The following PGM5 variants were observed in gnomAD, a reference collection of about 807,000 sequenced individuals.
The protein encoded by PGM5 is phosphoglucomutase 5, also known as phosphoglucomutase-like protein 5.
PGM5 carries 23 observed loss-of-function variants against 59.2 expected under a neutral mutation model. The ratio of observed to expected loss-of-function variants is 0.39; its 90% CI spans 0.28 to 0.55. The LOEUF (loss-of-function observed/expected upper bound fraction) is 0.55. PGM5 is among the 20% of genes least tolerant of loss of function. The pLI is 0.66. For missense variants in PGM5, 574 were observed against 748.3 expected, an observed-to-expected ratio of 0.77 and a Z score of 2.72; for synonymous variants, 214 against 286.0, an observed-to-expected ratio of 0.75 and a Z score of 2.54.
intron 6 of PGM5, among the ~76,000 whole-genome samples, chr9:68,439,226 A>G (rs1311587847): frequency 1.3e-5 from 2 of 151,848 alleles, no homozygotes; most frequent in Admixed American, 1.3e-4. Flanking sequence ...TTAGCCAGGC[A>G]TGGTGGCAAA....
chr9:68,487,497 CAA>C (rs1167774791), intron 9 of PGM5, among the ~76,000 whole-genome samples: 5 of 148,562 alleles, frequency 3.4e-5, no homozygotes, highest in Admixed American at 6.7e-5. Context: ...CACACACACA[CAA>C]ATCAGGTGTA....
chr9:68,526,776 T>G (rs1327011024), intron 10 of PGM5, among the ~76,000 whole-genome samples: 1 of 152,222 alleles, frequency 6.6e-6, no homozygotes, highest in African/African-American at 2.4e-5. Context: ...CCACATCTAA[T>G]TTGACAGGAT....
chr9:68,393,326 CATAAT>C (rs1408987020), intron 6 of PGM5, among the ~76,000 whole-genome samples: 29 of 150,178 alleles, frequency 1.9e-4, no homozygotes, highest in Middle Eastern at 3.5e-3. Flanking sequence ...AATTAAAATA[CATAAT>C]ATAATATACA....
intron 6 of PGM5, chr9:68,398,152 CA>C (rs1245994141): frequency 3.4e-5 from 5 of 148,962 alleles, no homozygotes; most frequent in Non-Finnish European, 7.5e-5. Context: ...CTCAGTCTCC[CA>C]TACATTGCTT....
chr9:68,387,920 TC>T (rs1822267274), intron 4 of PGM5, among the ~76,000 whole-genome samples: 1 of 152,156 alleles, frequency 6.6e-6, no homozygotes, highest in South Asian at 2.1e-4. Context: ...TGTACCCAAC[TC>T]CTATCTTCCC....
chr9:68,423,130 G>A (rs2132049360), intron 6 of PGM5, among the ~76,000 whole-genome samples: 1 of 152,202 alleles, frequency 6.6e-6, no homozygotes, highest in South Asian at 2.1e-4. Context: ...TTGATTGATG[G>A]GCATTTGGGT....
In PGM5 at chr9:68,479,543, T is replaced by C; in HGVS notation, c.1285T>C (p.Tyr429His). 1 of 1,613,990 alleles carries C rather than the reference T, an allele frequency of 6.2e-7. No homozygotes were observed. Among genetic ancestry groups the C allele is most frequent in the Non-Finnish European group, 8.5e-7 (1 of 1,179,934 alleles). Residue 429 changes from tyrosine (Y) to histidine (H), a missense_variant, in exon 8 of 11, where the codon TAC becomes CAC. Around this residue, in one of 7 missense-constraint regions of PGM5, gnomAD observed 300 missense variants for 280.0 expected, o/e 1.07. Coordinates refer to ENST00000396396, the MANE Select transcript of PGM5 (RefSeq NM_021965.4). ...RDHWAKFGRH[Y>H]YCRFDYEGLD... ...TCACTGGGCCAAATTTGGCCGCCAC[T>C]ACTATTGCAGGTGAGGAGAAGGGGA... is the stretch of plus-strand genomic sequence containing the variant.
intron 6 of PGM5, among the ~76,000 whole-genome samples, chr9:68,457,439 G>A (rs1823795680): frequency 6.6e-6 from 1 of 152,156 alleles, no homozygotes; most frequent in Admixed American, 6.5e-5. Flanking sequence ...GAATTACTCT[G>A]TTACTCATAG....
intron 9 of PGM5, chr9:68,498,836 A>G (rs1249854688): frequency 4.5e-6 from 1 of 223,888 alleles, no homozygotes. Flanking sequence ...TGTAATAGAC[A>G]AATTGCCTGC....
intron 1 of PGM5, among the ~76,000 whole-genome samples, chr9:68,359,330 C>A (rs535657412): frequency 6.6e-6 from 1 of 152,184 alleles, no homozygotes; most frequent in East Asian, 1.9e-4. Flanking sequence ...GGACAGATGA[C>A]AAATTAAAAT....
chr9:68,461,179 T>C lies in PGM5; in HGVS notation c.1044-3914T>C, dbSNP rs369270601. Among the ~76,000 whole-genome samples, 47 of 152,208 alleles carry C rather than the reference T, an allele frequency of 3.1e-4. 1 individual carries two copies. The South Asian group carries it at 7.9e-3, about 26-fold the overall frequency. On this transcript the variant is annotated intron_variant, in intron 6 of 10. Transcript: ENST00000396396. ...CAGAGATCCAGGTCCTCCCCTCTCG[T>C]GGGTCAGCCGCCTTCAACACATGGC...
intron 6 of PGM5, among the ~76,000 whole-genome samples, chr9:68,453,736 A>C (rs554979385): frequency 7.2e-5 from 11 of 152,310 alleles, no homozygotes; most frequent in Admixed American, 6.5e-5. Context: ...GGAGGAGTCC[A>C]TGTTCTGATG....
At chr9:68,370,213 G>C (rs1554677057) in intron 1 of PGM5, among the ~76,000 whole-genome samples, 1 of 152,232 alleles carries the variant, frequency 6.6e-6, no homozygotes, top group African/African-American at 2.4e-5. Flanking sequence ...CACTTGGGGA[G>C]TGATAGGGAT....
intron 6 of PGM5, among the ~76,000 whole-genome samples, chr9:68,416,229 T>A (rs1452220504): frequency 6.6e-6 from 1 of 152,230 alleles, no homozygotes; most frequent in East Asian, 1.9e-4. Flanking sequence ...GTGAAGTGCT[T>A]TGAGCCAAAG....
chr9:68,474,830 A>G (rs944083709), intron 7 of PGM5, among the ~76,000 whole-genome samples: 5 of 150,870 alleles, frequency 3.3e-5, no homozygotes, highest in Admixed American at 6.6e-5. Context: ...GTGTTATTCA[A>G]TGCTAAAAAG....
At chr9:68,404,181 C>T (rs1822744490) in intron 6 of PGM5, among the ~76,000 whole-genome samples, 1 of 152,158 alleles carries the variant, frequency 6.6e-6, no homozygotes, top group Admixed American at 6.5e-5. Flanking sequence ...GGCTGGAGTG[C>T]AGTGGTGCAG....
chr9:68,414,369 G>T (rs1483108162), intron 6 of PGM5, among the ~76,000 whole-genome samples: 1 of 152,182 alleles, frequency 6.6e-6, no homozygotes, highest in Non-Finnish European at 1.5e-5. Flanking sequence ...GAGCTTCCAG[G>T]TTCTTTGTTC....
intron 1 of PGM5, among the ~76,000 whole-genome samples, chr9:68,377,461 A>G (rs1821950844): frequency 6.6e-6 from 1 of 152,208 alleles, no homozygotes; most frequent in Non-Finnish European, 1.5e-5. Context: ...AAATATTGAG[A>G]ACTACTAGAT....
At chr9:68,405,581 TCTC>T (rs1407787972) in intron 6 of PGM5, 4 of 153,642 alleles carry the variant, frequency 2.6e-5, no homozygotes, top group Non-Finnish European at 2.9e-5. Flanking sequence ...TTTCTCATCC[TCTC>T]CTCTTTATTC....
Sources: allele counts gnomAD v4.1 joint callset (sites outside exome capture counted in the v4.1 genomes callset), GRCh38; gene constraint gnomAD v4.1.1; regional missense constraint gnomAD v4.1.1; transcripts MANE v1.5; gene names NCBI Gene and HGNC (gene_info 2026-07-23, HGNC 2026-07-21).